The following LHFPL3 variants were observed in gnomAD, a reference collection of about 807,000 sequenced individuals.
LHFPL3 encodes LHFPL tetraspan subfamily member 3 protein.
A neutral mutation model predicts 19.3 loss-of-function variants in LHFPL3; 5 were observed. The ratio of observed to expected loss-of-function variants is 0.26; its 90% CI spans 0.14 to 0.54. LHFPL3 has a LOEUF of 0.54. LHFPL3 is among the 20% of genes least tolerant of loss of function. The pLI is 0.94. For synonymous variants in LHFPL3, 133 were observed against 126.2 expected (o/e 1.05, Z -0.36); for missense variants, 249 against 307.4 (o/e 0.81, Z 1.42).
rs188089434 is a variant in LHFPL3 at position 104,380,872 on chromosome 7, A to C, written c.445+51648A>C. Among the ~76,000 whole-genome samples, 317 of 152,258 alleles carry C rather than the reference A, an allele frequency of 2.1e-3. 1 individual carries two copies. The highest frequency in any genetic ancestry group is 0.01 in the Middle Eastern group (3 of 294). On this transcript the variant is annotated intron_variant, in intron 1 of 2. Coordinates refer to ENST00000424859, the MANE Select transcript of LHFPL3 (RefSeq NM_199000.3). Reference sequence around the variant, plus strand: ...AAAACAACAACAACAAAAAGCAAGAAAGTAGAATTTACGGTATAAAAGGAA... The same window carrying C: ...AAAACAACAACAACAAAAAGCAAGACAGTAGAATTTACGGTATAAAAGGAA...
At chr7:104,395,352 C>T (rs989035875) in intron 1 of LHFPL3, among the ~76,000 whole-genome samples, 1 of 152,160 alleles carries the variant, frequency 6.6e-6, no homozygotes, top group Admixed American at 6.5e-5. Context: ...GCAAGATCCT[C>T]CTGTTTGCTC....
intron 1 of LHFPL3, among the ~76,000 whole-genome samples, chr7:104,507,400 G>C (rs969002604): frequency 3.5e-5 from 5 of 144,676 alleles, no homozygotes; most frequent in African/African-American, 1.0e-4. Context: ...AAACTGGCTA[G>C]CCATATGTAG....
intron 2 of LHFPL3, among the ~76,000 whole-genome samples, chr7:104,905,231 C>T (rs114195459): frequency 0.05 from 7,542 of 152,104 alleles, 599 homozygotes; most frequent in African/African-American, 0.17. Flanking sequence ...GCTGGGATTA[C>T]AAGTGTGAGC....
intron 1 of LHFPL3, among the ~76,000 whole-genome samples, chr7:104,347,256 G>GA (rs35954754): frequency 0.077 from 11,557 of 151,002 alleles, 487 homozygotes; most frequent in Middle Eastern, 0.089. Flanking sequence ...TTTTAATCTA[G>GA]AAAAAAAAAT....
intron 1 of LHFPL3, among the ~76,000 whole-genome samples, chr7:104,346,516 T>G (rs1454382937): frequency 2.6e-5 from 4 of 152,118 alleles, no homozygotes; most frequent in Admixed American, 2.0e-4. Context: ...TGGACACAGA[T>G]GCATGCAAAG....
chr7:104,848,816 G>A (rs1201320427), intron 2 of LHFPL3, among the ~76,000 whole-genome samples: 1 of 152,134 alleles, frequency 6.6e-6, no homozygotes, highest in Non-Finnish European at 1.5e-5. Context: ...GAGGCCTGGT[G>A]GCATATCAGC....
chr7:104,600,693 G>A (rs920414593), intron 1 of LHFPL3, among the ~76,000 whole-genome samples: 3 of 152,204 alleles, frequency 2.0e-5, no homozygotes, highest in Non-Finnish European at 4.4e-5. Flanking sequence ...GCAAAGCCAA[G>A]GACAAAGATC....
At chr7:104,339,914 A>G (rs1189871168) in intron 1 of LHFPL3, among the ~76,000 whole-genome samples, 1 of 152,184 alleles carries the variant, frequency 6.6e-6, no homozygotes, top group Non-Finnish European at 1.5e-5. Flanking sequence ...TCTTGCCCTC[A>G]ATTAAATGCA....
intron 2 of LHFPL3, among the ~76,000 whole-genome samples, chr7:104,850,956 C>G (rs1295823169): frequency 2.0e-5 from 3 of 152,194 alleles, no homozygotes; most frequent in East Asian, 3.8e-4. Context: ...GACCATCATT[C>G]CAGGTACTTC....
chr7:104,449,014 T>C (rs934863018), intron 1 of LHFPL3, among the ~76,000 whole-genome samples: 1 of 152,234 alleles, frequency 6.6e-6, no homozygotes, highest in Non-Finnish European at 1.5e-5. Context: ...AAAATTAAGA[T>C]GATGCCTTTA....
chr7:104,590,378 G>T (rs1366863387), intron 1 of LHFPL3, among the ~76,000 whole-genome samples: 1 of 152,172 alleles, frequency 6.6e-6, no homozygotes, highest in Non-Finnish European at 1.5e-5. Context: ...GTACCCAGTA[G>T]TCATTCAGGA....
chr7:104,809,233 A>G (rs1790422308), intron 2 of LHFPL3, among the ~76,000 whole-genome samples: 1 of 152,350 alleles, frequency 6.6e-6, no homozygotes, highest in African/African-American at 2.4e-5. Context: ...AAGAACAAGC[A>G]TAAGGTACAG....
intron 1 of LHFPL3, among the ~76,000 whole-genome samples, chr7:104,559,741 G>A (rs1165010259): frequency 1.3e-5 from 2 of 151,964 alleles, no homozygotes; most frequent in African/African-American, 4.8e-5. Context: ...GTAAGAGAAG[G>A]CATCCCTGTC....
intron 1 of LHFPL3, among the ~76,000 whole-genome samples, chr7:104,522,964 A>G (rs537416980): frequency 7.3e-6 from 1 of 137,756 alleles, no homozygotes; most frequent in Middle Eastern, 3.6e-3. Flanking sequence ...CTCTCTCTCT[A>G]TATATATCTG....
intron 1 of LHFPL3, among the ~76,000 whole-genome samples, chr7:104,498,282 A>G (rs917950802): frequency 8.5e-5 from 13 of 152,146 alleles, no homozygotes; most frequent in African/African-American, 3.1e-4. Flanking sequence ...ACTGGAAGAA[A>G]TTTCCCATGA....
At chr7:104,682,933 T>G (rs12705261) in intron 1 of LHFPL3, among the ~76,000 whole-genome samples, 74,934 of 152,076 alleles carry the variant, frequency 0.49, 18,886 homozygotes, top group East Asian at 0.6. Flanking sequence ...TTTTAGGTAT[T>G]TCTTTTCAGT....
rs117949732 is a variant in LHFPL3, at chr7:104,475,877, C to T, written c.445+146653C>T. ...TTCTATTCTTTCTTGAATGAAATAA[C>T]ATAAAATTTATCAAACGATGATTTT... is the stretch of plus-strand genomic sequence containing the variant. On this transcript the variant is annotated intron_variant, in intron 1 of 2. Transcript: ENST00000424859. 9.7e-4 allele frequency among the ~76,000 whole-genome samples: 147 copies of T among 152,276 alleles called. 3 individuals carry two copies. The highest frequency in any genetic ancestry group is 4.6e-3 in the East Asian group (24 of 5,192).
At chr7:104,607,015 C>A (rs1791115411) in intron 1 of LHFPL3, among the ~76,000 whole-genome samples, 1 of 152,162 alleles carries the variant, frequency 6.6e-6, no homozygotes, top group Non-Finnish European at 1.5e-5. Flanking sequence ...GAGCAATTGG[C>A]AAGGTCTCAA....
At chr7:104,575,096 A>G (rs1183160205) in intron 1 of LHFPL3, among the ~76,000 whole-genome samples, 1 of 136,128 alleles carries the variant, frequency 7.3e-6, no homozygotes, top group African/African-American at 2.9e-5. Context: ...TAAATGGAAC[A>G]CAAATAACAG....
Sources: gnomAD v4.1 joint callset for allele counts (sites outside exome capture counted in the v4.1 genomes callset) on GRCh38, gnomAD v4.1.1 for gene constraint, MANE v1.5 for transcripts, NCBI Gene and HGNC (gene_info 2026-07-23, HGNC 2026-07-21) for gene names.